The following MAD1L1 variants were observed in gnomAD, a reference collection of about 807,000 sequenced individuals.
MAD1L1 encodes the protein mitotic arrest deficient 1 like 1, also known as mitotic spindle assembly checkpoint protein MAD1.
A neutral mutation model predicts 96.9 loss-of-function variants in MAD1L1; 95 were observed. The observed-to-expected ratio is 0.98, with a 90% CI of 0.83 to 1.16. The LOEUF is 1.16. Among genes scored for constraint, MAD1L1 ranks in the 50% most tolerant of loss-of-function variants. MAD1L1 has a pLI of 0.00. For synonymous variants in MAD1L1, 473 were observed against 396.6 expected (o/e 1.19, Z -2.29); for missense variants, 1,007 against 954.4 (o/e 1.06, Z -0.73).
intron 18 of MAD1L1, among the ~76,000 whole-genome samples, chr7:1,820,950 G>T (rs1450124824): frequency 1.3e-5 from 2 of 151,670 alleles, no homozygotes; most frequent in Non-Finnish European, 2.9e-5. Flanking sequence ...GTGTGGTGGC[G>T]GGTGCCTGTA....
intron 12 of MAD1L1, among the ~76,000 whole-genome samples, chr7:2,045,139 A>G (rs941205750): frequency 5.5e-4 from 84 of 151,738 alleles, no homozygotes; most frequent in African/African-American, 2.0e-3. Context: ...AAGGACATGA[A>G]AGGCTCCGGC....
At chr7:1,999,877 A>G (rs958672542) in intron 14 of MAD1L1, among the ~76,000 whole-genome samples, 7 of 152,076 alleles carry the variant, frequency 4.6e-5, no homozygotes, top group Non-Finnish European at 1.5e-5. Context: ...CTGTCCCCTG[A>G]AAACACTTCC....
chr7:2,046,565 G>A (rs992103588), intron 12 of MAD1L1, among the ~76,000 whole-genome samples: 5 of 152,298 alleles, frequency 3.3e-5, no homozygotes, highest in Admixed American at 2.0e-4. Flanking sequence ...TATTTTTCTG[G>A]AGACGGAACT....
Position 1,820,192 on chromosome 7 carries a change from T to G in MAD1L1, c.1999-3964A>C, listed in dbSNP as rs543797092. Among the ~76,000 whole-genome samples the G allele has an allele frequency of 2.0e-4, 30 of 151,884 alleles. 1 individual carries two copies. In the South Asian group the frequency reaches 5.4e-3, roughly 27 times the overall value. The stretch of plus-strand genomic sequence containing the variant: ...AGCACACTTCTAAGTAATCCACGAG[T>G]CAAATGGGATGCCTCGAAGGAAATA... On this transcript the variant is annotated intron_variant, in intron 18 of 18. Coordinates refer to ENST00000265854, the MANE Select transcript of MAD1L1 (RefSeq NM_001013836.2).
chr7:2,191,344 A>G (rs539376433), intron 10 of MAD1L1, among the ~76,000 whole-genome samples: 22 of 152,334 alleles, frequency 1.4e-4, no homozygotes, highest in African/African-American at 5.3e-4. Flanking sequence ...GAAAAGTGGG[A>G]TTTCTCAAAG....
intron 12 of MAD1L1, among the ~76,000 whole-genome samples, chr7:2,024,917 G>A (rs1361060380): frequency 2.0e-5 from 3 of 152,178 alleles, no homozygotes; most frequent in East Asian, 1.9e-4. Context: ...CTCTTCCAGA[G>A]AATAGAAGCA....
intron 7 of MAD1L1, among the ~76,000 whole-genome samples, chr7:2,216,489 A>G (rs1793289711): frequency 1.3e-5 from 2 of 152,200 alleles, no homozygotes; most frequent in African/African-American, 4.8e-5. Context: ...GGGGGAGCAG[A>G]GAGGATTTTT....
At chr7:2,132,462 G>A (rs535615463) in intron 11 of MAD1L1, among the ~76,000 whole-genome samples, 2 of 103,758 alleles carry the variant, frequency 1.9e-5, no homozygotes, top group African/African-American at 3.0e-5. Flanking sequence ...GCGTGCAGTC[G>A]GTCCACTGCT....
intron 12 of MAD1L1, among the ~76,000 whole-genome samples, chr7:2,062,705 G>T (rs1274380698): frequency 6.6e-6 from 1 of 152,198 alleles, no homozygotes. Context: ...TCCTGGGTCT[G>T]TAATTTGTGC....
chr7:1,980,180 G>A (rs1044034650), intron 15 of MAD1L1, among the ~76,000 whole-genome samples: 3 of 152,272 alleles, frequency 2.0e-5, no homozygotes, highest in South Asian at 2.1e-4. Flanking sequence ...ACACCTGAGC[G>A]TGCGCACCTC....
Position 2,103,132 on chromosome 7 carries a change from C to T in MAD1L1, c.1074-33794G>A, listed in dbSNP as rs1226127325. Among the ~76,000 whole-genome samples, 1 of 152,132 alleles carries T rather than the reference C, an allele frequency of 6.6e-6. No homozygotes were observed. Among genetic ancestry groups the T allele is most frequent in the African/African-American group, 2.4e-5 (1 of 41,444 alleles). ...CTCAGGGCCCCTGCGCTTGCTGCTG[C>T]CTCTGCCTGGAACGGGCTCTCTCCC... On this transcript the variant is annotated intron_variant, in intron 11 of 18. Transcript: ENST00000265854. The surrounding 1 kb of genome is among the most constrained non-coding windows in gnomAD (Gnocchi z 4.3).
chr7:1,896,586 G>A (rs1048964175), intron 18 of MAD1L1, among the ~76,000 whole-genome samples: 15 of 152,204 alleles, frequency 9.9e-5, no homozygotes, highest in African/African-American at 3.1e-4. Flanking sequence ...CTAGGCATGT[G>A]CCTACGTATG....
chr7:1,831,585 G>C (rs936966834), intron 18 of MAD1L1, among the ~76,000 whole-genome samples: 1 of 152,224 alleles, frequency 6.6e-6, no homozygotes, highest in Non-Finnish European at 1.5e-5. Flanking sequence ...TGAAAACTGA[G>C]GCCAAAAGCT....
intron 10 of MAD1L1, among the ~76,000 whole-genome samples, chr7:2,210,252 T>C (rs1219832056): frequency 6.6e-6 from 1 of 152,122 alleles, no homozygotes; most frequent in African/African-American, 2.4e-5. Context: ...TTTGTTTTGG[T>C]ACACACGGGG....
chr7:1,820,499 G>GA (rs1268732727), intron 18 of MAD1L1, among the ~76,000 whole-genome samples: 4 of 151,800 alleles, frequency 2.6e-5, no homozygotes, highest in African/African-American at 9.7e-5. Context: ...CAGGAGCAGG[G>GA]CTCACACCTG....
chr7:1,918,426 C>T (rs188360283), intron 17 of MAD1L1, among the ~76,000 whole-genome samples: 108 of 152,298 alleles, frequency 7.1e-4, no homozygotes, highest in Non-Finnish European at 1.2e-3. Flanking sequence ...AACACACAAC[C>T]GCAGTCACGC....
chr7:2,069,229 G>C lies in MAD1L1; in HGVS notation c.1183C>G (p.Arg395Gly). ...AGCAGGACCCGTTTCTGGAGCCTCC[G>C]GGCCAGCGCCTCGTGGGTCTCGCGC... ...KKRETHEALA[R>G]RLQKRVLLLT... Residue 395 changes from arginine to glycine, a missense_variant, in exon 12 of 19, where the codon CGG (arginine) becomes GGG (glycine). Physicochemically the swap from Arg to Gly is moderately radical, Grantham distance 125 (BLOSUM62 -2). Transcript: ENST00000265854. 6.2e-7 allele frequency: 1 copy of C among 1,609,014 alleles called. No homozygotes were observed. Among genetic ancestry groups the C allele is most frequent in the Non-Finnish European group, 8.5e-7 (1 of 1,178,034 alleles).
At chr7:2,130,845 G>T (rs1159448010) in intron 11 of MAD1L1, among the ~76,000 whole-genome samples, 1 of 152,296 alleles carries the variant, frequency 6.6e-6, no homozygotes. Flanking sequence ...TCTTCAGTGC[G>T]AATGCCAAAT....
At chr7:2,069,118 T>G in intron 12 of MAD1L1, 76 bp downstream of exon 12, 508 of 1,436,890 alleles carry the variant, frequency 3.5e-4, no homozygotes, top group Middle Eastern at 5.5e-4. Flanking sequence ...GCCTCCACAG[T>G]GAGATCCAGC....
Sources: gnomAD v4.1 joint callset for allele counts (sites outside exome capture counted in the v4.1 genomes callset) on GRCh38, gnomAD v4.1.1 for gene constraint, Gnocchi (gnomAD v3.1) non-coding constraint, MANE v1.5 for transcripts, NCBI Gene and HGNC (gene_info 2026-07-23, HGNC 2026-07-21) for gene names.